CARS2: variants seen among roughly 807,000 people sequenced by gnomAD.
The protein encoded by CARS2 is probable cysteine--tRNA ligase, mitochondrial.
Under a neutral mutation model 68.8 loss-of-function variants are expected in CARS2, and 52 were observed. The ratio of observed to expected loss-of-function variants is 0.76; its 90% CI spans 0.61 to 0.95. The LOEUF (loss-of-function observed/expected upper bound fraction) is 0.95, where lower values mean the gene tolerates loss of function less well. Among genes scored for constraint, CARS2 ranks in the 40% least tolerant of loss-of-function variants. The pLI, the probability that CARS2 is intolerant of heterozygous loss-of-function variation, is 0.00. For synonymous variants in CARS2, 314 were observed against 303.6 expected (o/e 1.03, Z -0.36); for missense variants, 780 against 754.2 (o/e 1.03, Z -0.40).
At chr13:110,679,579 G>T in intron 6 of CARS2, among the ~76,000 whole-genome samples, 1 of 50,494 alleles carries the variant, frequency 2.0e-5, no homozygotes, top group African/African-American at 7.3e-5. Context: ...GAGAGAGAAA[G>T]AAAGAAAGAA....
intron 3 of CARS2, among the ~76,000 whole-genome samples, chr13:110,700,077 C>T (rs1023472384): frequency 6.6e-6 from 1 of 152,176 alleles, no homozygotes; most frequent in African/African-American, 2.4e-5. Context: ...AGTGGCCCTG[C>T]CCCTGAAGGT....
rs528156138 is a variant in CARS2 at position 110,666,631 on chromosome 13, T to G, written c.919+709A>C. 62 of 985,052 alleles carry G rather than the reference T, an allele frequency of 6.3e-5. No homozygotes were observed. In the South Asian group the frequency reaches 2.8e-3, roughly 45 times the overall value. 61.0% of individuals were successfully genotyped at this position (985,052 alleles called of 1,614,324 possible). A position where few individuals can be genotyped will look rare whatever the true frequency, so the allele number is the denominator to read the frequency against. On this transcript the variant is annotated intron_variant, in intron 8 of 14. Transcript: ENST00000257347. The stretch of plus-strand genomic sequence containing the variant: ...AGAGCACTTCTGCACTTAATGTCAC[T>G]TTACTGTGACATCCTAATTTCCCAA...
intron 9 of CARS2, among the ~76,000 whole-genome samples, chr13:110,662,307 CCATGGCCGG>C: frequency 6.6e-6 from 1 of 152,070 alleles, no homozygotes; most frequent in South Asian, 2.1e-4. Context: ...TCATGCAACC[CCATGGCCGG>C]CTTCGGACCC....
At chr13:110,643,960 G>A (rs1594208391) in intron 13 of CARS2, 4 of 410,306 alleles carry the variant, frequency 9.7e-6, no homozygotes, top group East Asian at 7.5e-5. Flanking sequence ...CAGGTGACTC[G>A]TGCCTGTCGG....
intron 9 of CARS2, among the ~76,000 whole-genome samples, chr13:110,660,609 C>T (rs1277765766): frequency 1.3e-5 from 2 of 152,130 alleles, no homozygotes; most frequent in East Asian, 1.9e-4. Context: ...ACCAGGTGCA[C>T]TGTCAATATT....
exon 1 of CARS2, chr13:110,713,342 C>G (rs1426458098): frequency 9.0e-7 from 1 of 1,106,310 alleles, no homozygotes; most frequent in Non-Finnish European, 1.1e-6. Flanking sequence ...CCGTTAGGTC[C>G]TGGTCGGGTT....
chr13:110,663,319 G>C, intron 9 of CARS2, 132 bp downstream of exon 9: 1 of 849,022 alleles, frequency 1.2e-6, no homozygotes, highest in Non-Finnish European at 1.8e-6. Flanking sequence ...AGGTGAGGCA[G>C]GTCTCGTCAT....
In CARS2 at chr13:110,678,682, T is replaced by C. The variant is rs1164834616; in HGVS notation, c.656-1579A>G. On this transcript the variant is annotated intron_variant, in intron 6 of 14. Coordinates refer to ENST00000257347, the MANE Select transcript of CARS2 (RefSeq NM_024537.4). ...CAGAAAATGCGGCCAAGGACTGTAT[T>C]TCCAGCCAAACTGACTTTGAAGTAG... is the stretch of plus-strand genomic sequence containing the variant. 2.0e-5 allele frequency among the ~76,000 whole-genome samples: 3 copies of C among 152,180 alleles called. No homozygotes were observed. In the East Asian group the frequency reaches 5.8e-4, roughly 29 times the overall value.
intron 9 of CARS2, among the ~76,000 whole-genome samples, chr13:110,655,586 C>T (rs1311365563): frequency 6.6e-6 from 1 of 152,186 alleles, no homozygotes; most frequent in Non-Finnish European, 1.5e-5. Flanking sequence ...ACACCTGCTC[C>T]GAGAAAACTA....
chr13:110,709,547 C>T (rs1253847290), upstream of CARS2, among the ~76,000 whole-genome samples: 1 of 152,162 alleles, frequency 6.6e-6, no homozygotes, highest in African/African-American at 2.4e-5. Flanking sequence ...TAATGCTCTT[C>T]ATTACTATAC....
intron 2 of CARS2, among the ~76,000 whole-genome samples, chr13:110,702,576 C>T (rs950484518): frequency 6.6e-6 from 1 of 152,180 alleles, no homozygotes; most frequent in African/African-American, 2.4e-5. Context: ...GAACCTAAAG[C>T]AAATGAAAAC....
chr13:110,651,280 T>A lies in CARS2; in HGVS notation c.988-180A>T. The A allele has an allele frequency of 5.4e-6, 3 of 555,552 alleles. 1 individual carries two copies. The South Asian group carries it at 6.6e-5, about 12-fold the overall frequency. The allele number at this position is 555,552 out of a possible 1,614,324, so 34.4% of individuals were successfully genotyped here. Reference sequence around the variant, plus strand: ...ACCTGTTTCCTGGTGATTTCCTCACTGAACTTTCCACGTTCGATCTCAGTA... The same window carrying A: ...ACCTGTTTCCTGGTGATTTCCTCACAGAACTTTCCACGTTCGATCTCAGTA... On this transcript the variant is annotated intron_variant, in intron 9 of 14. Coordinates refer to ENST00000257347, the MANE Select transcript of CARS2 (RefSeq NM_024537.4).
At chr13:110,662,468 G>C (rs1476136106) in intron 9 of CARS2, among the ~76,000 whole-genome samples, 1 of 152,262 alleles carries the variant, frequency 6.6e-6, no homozygotes, top group Non-Finnish European at 1.5e-5. Context: ...GCAACCCTGT[G>C]CTCCACCTCC....
chr13:110,645,893 G>A, intron 12 of CARS2, 74 bp downstream of exon 12: 2 of 1,547,680 alleles, frequency 1.3e-6, no homozygotes, highest in Admixed American at 2.0e-5. Flanking sequence ...CAGCCGACAT[G>A]AGAAAAACCC....
exon 1 of CARS2, chr13:110,713,245 G>A: frequency 3.7e-6 from 5 of 1,357,546 alleles, no homozygotes; most frequent in Non-Finnish European, 3.8e-6. Context: ...ATACTGCTCT[G>A]TGGGGCGGGG....
chr13:110,643,773 C>G, intron 13 of CARS2: 1 of 182,556 alleles, frequency 5.5e-6, no homozygotes, highest in Non-Finnish European at 1.2e-5. Flanking sequence ...AACCTCAAAT[C>G]TGTATTGATA....
intron 3 of CARS2, chr13:110,697,886 G>A: frequency 2.2e-6 from 1 of 449,082 alleles, no homozygotes. Flanking sequence ...TTATGAGAAA[G>A]ACAAATCAAT....
intron 3 of CARS2, chr13:110,697,951 A>T (rs543160369): frequency 2.6e-5 from 12 of 455,960 alleles, no homozygotes; most frequent in Non-Finnish European, 4.4e-5. Context: ...ACCTCACACC[A>T]TTCCTTTGAC....
intron 6 of CARS2, among the ~76,000 whole-genome samples, chr13:110,682,424 G>A (rs563883306): frequency 1.8e-4 from 28 of 152,310 alleles, no homozygotes; most frequent in African/African-American, 6.3e-4. Flanking sequence ...GCTATGGATG[G>A]TTAGGATTCA....
Sources: allele counts gnomAD v4.1 joint callset (sites outside exome capture counted in the v4.1 genomes callset), GRCh38; gene constraint gnomAD v4.1.1; transcripts MANE v1.5; gene names NCBI Gene and HGNC (gene_info 2026-07-23, HGNC 2026-07-21).